The following MROH2B variants were observed in gnomAD, a reference collection of about 807,000 sequenced individuals.
The protein encoded by MROH2B is maestro heat-like repeat-containing protein family member 2B.
In MROH2B, 177 loss-of-function variants were observed where a neutral mutation model predicts 208.6. The ratio of observed to expected loss-of-function variants is 0.85; its 90% CI spans 0.75 to 0.96. The LOEUF is 0.96. MROH2B is among the 40% of genes least tolerant of loss of function. The probability of loss-of-function intolerance (pLI) is 0.00; values close to 1 mark genes in which losing one functional copy is unlikely to be tolerated. For missense variants in MROH2B, 2,002 were observed against 1,878.7 expected (o/e 1.07, Z -1.21); for synonymous variants, 728 against 659.0 (o/e 1.10, Z -1.60).
intron 21 of MROH2B, among the ~76,000 whole-genome samples, chr5:41,037,604 A>T (rs990175553): frequency 1.3e-5 from 2 of 152,216 alleles, no homozygotes; most frequent in South Asian, 4.1e-4. Flanking sequence ...CATGTACATA[A>T]GAATAAATGT....
At chr5:41,025,537 T>C (rs888080226) in intron 24 of MROH2B, among the ~76,000 whole-genome samples, 2 of 152,126 alleles carry the variant, frequency 1.3e-5, no homozygotes, top group African/African-American at 4.8e-5. Context: ...ATTGAAGCAA[T>C]AATTAATAGC....
intron 24 of MROH2B, among the ~76,000 whole-genome samples, chr5:41,026,808 C>G (rs896396625): frequency 6.6e-6 from 1 of 152,122 alleles, no homozygotes; most frequent in African/African-American, 2.4e-5. Flanking sequence ...CTACAGTGAC[C>G]AAAACAGCAT....
chr5:41,040,373 G>C (rs992238291), intron 19 of MROH2B, among the ~76,000 whole-genome samples: 2 of 152,138 alleles, frequency 1.3e-5, no homozygotes, highest in Non-Finnish European at 2.9e-5. Context: ...TCATTCAGTG[G>C]CATAACCCTG....
chr5:41,026,385 A>C (rs1485774745), intron 24 of MROH2B, among the ~76,000 whole-genome samples: 1 of 152,200 alleles, frequency 6.6e-6, no homozygotes, highest in East Asian at 1.9e-4. Context: ...ATTCTTATAC[A>C]CCAATAACAG....
chr5:41,027,957 T>A (rs1045554428), intron 24 of MROH2B, among the ~76,000 whole-genome samples: 3 of 151,916 alleles, frequency 2.0e-5, no homozygotes, highest in African/African-American at 7.3e-5. Context: ...CAAACACCGC[T>A]TGTTCTCACT....
chr5:41,018,846 C>A, intron 25 of MROH2B, 37 bp downstream of exon 25: 1 of 1,613,726 alleles, frequency 6.2e-7, no homozygotes, highest in Non-Finnish European at 8.5e-7. Flanking sequence ...GGCCCCACTG[C>A]AGACTGTCAT....
At chr5:41,039,343 C>A in intron 20 of MROH2B, 105 bp downstream of exon 20, 1 of 665,820 alleles carries the variant, frequency 1.5e-6, no homozygotes, top group Non-Finnish European at 2.6e-6. Context: ...GGAATAAGAA[C>A]CTGGGGACAG....
At chr5:41,032,907 T>A in intron 23 of MROH2B, 86 bp from the exon 24 acceptor site, 4 of 1,547,032 alleles carry the variant, frequency 2.6e-6, no homozygotes, top group East Asian at 2.4e-5. Context: ...GACCATTGGG[T>A]GCCCTGGGTC....
In MROH2B at chr5:41,024,063, C is replaced by G. The variant is rs559875577; in HGVS notation, c.2442-5045G>C. Among the ~76,000 whole-genome samples, 4 of 152,264 alleles carry G rather than the reference C, an allele frequency of 2.6e-5. No individual in the cohort carries two copies. In the South Asian group the frequency reaches 6.2e-4, roughly 24 times the overall value. On this transcript the variant is annotated intron_variant, in intron 24 of 41. Coordinates refer to ENST00000399564, the MANE Select transcript of MROH2B (RefSeq NM_173489.5). ...TAAACATGGTAAAGAACAACCAGTA[C>G]CAGCCACTGCAAAAACATGCCAAAT...
At chr5:41,036,913 C>A (rs1267082135) in intron 21 of MROH2B, among the ~76,000 whole-genome samples, 2 of 152,038 alleles carry the variant, frequency 1.3e-5, no homozygotes, top group Non-Finnish European at 2.9e-5. Context: ...ATGACTCAAC[C>A]TCATTTCCTC....
chr5:41,012,688 C>A lies in MROH2B; in HGVS notation c.3030G>T (p.Glu1010Asp). The change falls in exon 30 of 42, where the codon GAG becomes GAT. Residue 1010 changes from glutamate (E) to aspartate (D), a missense_variant. Glu to Asp is a conservative substitution (Grantham distance 45). Transcript: ENST00000399564. ...GGCTCTCCAGACCGTCCAGCATTTC[C>A]TCTAGGAACATCAGAATTTCTTCAT... ...IPNEEILMFL[E>D]EMLDGLESLN... 6.2e-6 allele frequency: 10 copies of A among 1,613,894 alleles called. No individual in the cohort carries two copies. Among genetic ancestry groups the A allele is most frequent in the Non-Finnish European group, 7.6e-6 (9 of 1,179,810 alleles).
chr5:41,045,753 G>T lies in MROH2B; in HGVS notation c.1829C>A (p.Thr610Asn). ...CTCAGCTGAAAAACCAACCTTCTCA[G>T]TGGAGTTATTGCTGTAACTGCCCAT... ...QQMGSYSNNS[T>N]EKKFLWKALG... is the part of the protein sequence containing the mutation. Residue 610 changes from threonine to asparagine, a missense_variant, in exon 18 of 42, where the codon ACT (threonine) becomes AAT (asparagine). Transcript: ENST00000399564. 1 of 1,613,122 alleles carries T rather than the reference G, an allele frequency of 6.2e-7. No homozygotes were observed. The highest frequency in any genetic ancestry group is 8.5e-7 in the Non-Finnish European group (1 of 1,179,288).
chr5:41,026,801 C>T (rs1259387674), intron 24 of MROH2B, among the ~76,000 whole-genome samples: 1 of 152,178 alleles, frequency 6.6e-6, no homozygotes, highest in South Asian at 2.1e-4. Context: ...TACAAGGCTA[C>T]AGTGACCAAA....
At position 41,042,735 on chromosome 5, in the gene MROH2B, G is replaced by T. The variant is rs554135133; in HGVS notation, c.1837-527C>A. ...TTTTCATGCCTCAGCCTCCTGAGTAGCTGGGATTACAGGTGTGTGCCACCA... is the reference window on the plus strand; with the variant it reads ...TTTTCATGCCTCAGCCTCCTGAGTATCTGGGATTACAGGTGTGTGCCACCA... On this transcript the variant is annotated intron_variant, in intron 18 of 41. Transcript: ENST00000399564. Among the ~76,000 whole-genome samples, 5 of 152,292 alleles carry T rather than the reference G, an allele frequency of 3.3e-5. No individual in the cohort carries two copies. In the East Asian group the frequency reaches 7.7e-4, roughly 24 times the overall value.
At chr5:41,010,586 G>A (rs1056905212) in intron 30 of MROH2B, among the ~76,000 whole-genome samples, 1 of 152,210 alleles carries the variant, frequency 6.6e-6, no homozygotes, top group African/African-American at 2.4e-5. Flanking sequence ...ATCCTTGTCA[G>A]AAAGAAGAAC....
intron 24 of MROH2B, among the ~76,000 whole-genome samples, chr5:41,022,935 T>C (rs1262168951): frequency 6.6e-6 from 1 of 151,842 alleles, no homozygotes; most frequent in Non-Finnish European, 1.5e-5. Context: ...GCAAACAGGG[T>C]CTGGAGTGGA....
chr5:41,046,341 A>T (rs1301272722), intron 17 of MROH2B, among the ~76,000 whole-genome samples: 5 of 152,088 alleles, frequency 3.3e-5, no homozygotes, highest in Non-Finnish European at 7.4e-5. Flanking sequence ...CTTCAACTCT[A>T]GTAACTAAAG....
At chr5:41,025,035 AAT>A (rs1742300392) in intron 24 of MROH2B, among the ~76,000 whole-genome samples, 1 of 152,230 alleles carries the variant, frequency 6.6e-6, no homozygotes, top group South Asian at 2.1e-4. Context: ...CATTTAAAGC[AAT>A]GTGTAGAGGG....
intron 40 of MROH2B, 92 bp downstream of exon 40, chr5:40,999,585 T>A: frequency 1.0e-6 from 1 of 976,654 alleles, no homozygotes; most frequent in South Asian, 1.9e-5. Context: ...ATACCAGTCC[T>A]ACTAGTGTTC....
Sources: allele counts gnomAD v4.1 joint callset (sites outside exome capture counted in the v4.1 genomes callset), GRCh38; gene constraint gnomAD v4.1.1; transcripts MANE v1.5; gene names NCBI Gene and HGNC (gene_info 2026-07-23, HGNC 2026-07-21).